ENPP2: variants seen among roughly 807,000 people sequenced by gnomAD.
ENPP2 encodes the protein ectonucleotide pyrophosphatase/phosphodiesterase 2, also known as autotaxin.
Under a neutral mutation model 120.2 loss-of-function variants are expected in ENPP2, and 51 were observed. The ratio of observed to expected loss-of-function variants is 0.42; its 90% confidence interval spans 0.34 to 0.54. ENPP2 has a LOEUF of 0.54. ENPP2 is among the 20% of genes least tolerant of loss of function. The pLI is 0.04. For synonymous variants in ENPP2, 365 were observed against 366.4 expected (o/e 1.00, Z 0.04); for missense variants, 920 against 1,066.5 (o/e 0.86, Z 1.91).
intron 24 of ENPP2, among the ~76,000 whole-genome samples, chr8:119,559,421 T>C (rs959630521): frequency 4.6e-5 from 7 of 152,238 alleles, no homozygotes; most frequent in African/African-American, 1.7e-4. Context: ...GCTGGGATTA[T>C]AAGAATTCTG....
chr8:119,594,354 A>T (rs999981551), intron 11 of ENPP2, among the ~76,000 whole-genome samples: 1 of 152,238 alleles, frequency 6.6e-6, no homozygotes, highest in Non-Finnish European at 1.5e-5. Flanking sequence ...TCTTGTTCTA[A>T]GTAATTTAAC....
At chr8:119,656,892 A>G (rs1414255825) in intron 1 of ENPP2, among the ~76,000 whole-genome samples, 1 of 152,162 alleles carries the variant, frequency 6.6e-6, no homozygotes, top group East Asian at 1.9e-4. Flanking sequence ...ATAGAATTGC[A>G]TGAAGTATTT....
Position 119,638,463 on chromosome 8 carries a change from A to C in ENPP2, c.98T>G (p.Ile33Ser). Residue 33 changes from isoleucine (I) to serine (S), a missense_variant, in exon 2 of 25, where the codon ATT (isoleucine) becomes AGT (serine). Ile to Ser is a moderately radical substitution (Grantham distance 142). Transcript: ENST00000075322. ...NICLGFTAHRIKRAEGWEEGP... is the reference protein window; with the variant it reads ...NICLGFTAHRSKRAEGWEEGP... The stretch of plus-strand genomic sequence containing the variant: ...TTCCTCCCATCCTTCTGCTCTCTTA[A>C]TTCGATGTGCAGTGAATCCTAAGCA... 1 of 1,610,046 alleles carries C rather than the reference A, an allele frequency of 6.2e-7. No homozygotes were observed. Among genetic ancestry groups the C allele is most frequent in the Non-Finnish European group, 8.5e-7 (1 of 1,176,254 alleles).
At chr8:119,560,041 C>A (rs1396244455) in intron 24 of ENPP2, among the ~76,000 whole-genome samples, 1 of 152,054 alleles carries the variant, frequency 6.6e-6, no homozygotes, top group Non-Finnish European at 1.5e-5. Flanking sequence ...AAATTTAGAT[C>A]GATTACAGAA....
At chr8:119,601,372 A>G in intron 10 of ENPP2, 25 bp downstream of exon 10, 2 of 1,478,756 alleles carry the variant, frequency 1.4e-6, no homozygotes, top group Non-Finnish European at 1.9e-6. Context: ...TGTACTGAAG[A>G]AAGAAGAAAG....
intron 23 of ENPP2, among the ~76,000 whole-genome samples, chr8:119,564,360 C>A (rs929776378): frequency 2.0e-5 from 3 of 152,100 alleles, no homozygotes; most frequent in Non-Finnish European, 4.4e-5. Context: ...ATTCCCACCA[C>A]CAATGCCCAT....
intron 5 of ENPP2, chr8:119,618,222 C>G (rs1815613481): frequency 2.2e-6 from 1 of 458,970 alleles, no homozygotes; most frequent in Admixed American, 2.3e-5. Context: ...TTCTTCATGC[C>G]TGCGAAGATC....
At chr8:119,626,865 G>T in intron 2 of ENPP2, 145 bp from the exon 3 acceptor site, 1 of 688,042 alleles carries the variant, frequency 1.5e-6, no homozygotes, top group East Asian at 2.7e-5. Flanking sequence ...CATGTACTCT[G>T]GGCAGGTTGC....
intron 5 of ENPP2, chr8:119,618,301 G>A (rs527514157): frequency 1.8e-5 from 9 of 494,658 alleles, no homozygotes; most frequent in African/African-American, 1.2e-4. Flanking sequence ...CTCCCCAGGA[G>A]ATGCTTTTGT....
In ENPP2 at chr8:119,615,556, A is replaced by G. The variant is rs1212765838; in HGVS notation, c.777+709T>C. 2.0e-5 allele frequency among the ~76,000 whole-genome samples: 3 copies of G among 152,346 alleles called. No individual in the cohort carries two copies. In the East Asian group the frequency reaches 5.8e-4, roughly 29 times the overall value. On this transcript the variant is annotated intron_variant, in intron 8 of 24. Coordinates refer to ENST00000075322, the MANE Select transcript of ENPP2 (RefSeq NM_001040092.3). ...TGCCCAGTCATTTGATCTGAAGTAA[A>G]CAGGGTGATTTCTTTTCAAAGTATT...
intron 19 of ENPP2, among the ~76,000 whole-genome samples, chr8:119,578,145 G>A (rs964651214): frequency 6.6e-6 from 1 of 152,142 alleles, no homozygotes; most frequent in African/African-American, 2.4e-5. Flanking sequence ...CTGCCTCCCA[G>A]GTTCAAACAA....
At chr8:119,573,408 TAA>T (rs35227070) in intron 19 of ENPP2, among the ~76,000 whole-genome samples, 32 of 124,310 alleles carry the variant, frequency 2.6e-4, no homozygotes, top group Admixed American at 3.2e-4. Context: ...CTCCGTCTCT[TAA>T]AAAAAAAAAA....
In ENPP2 at chr8:119,616,313, A is replaced by T; in HGVS notation, c.729T>A (p.His243Gln). 6.2e-7 allele frequency: 1 copy of T among 1,609,874 alleles called. No individual in the cohort carries two copies. Among genetic ancestry groups the T allele is most frequent in the Non-Finnish European group, 8.5e-7 (1 of 1,176,914 alleles). The change falls in exon 8 of 25, where the codon CAT (histidine) becomes CAA (glutamine). Residue 243 changes from histidine (H) to glutamine (Q), a missense_variant. Coordinates refer to ENST00000075322, the MANE Select transcript of ENPP2 (RefSeq NM_001040092.3). Reference protein sequence around the residue: ...MYDPVFDATFHLRGREKFNHR... With the variant: ...MYDPVFDATFQLRGREKFNHR... ...GATTAAATTTCTCTCGCCCTCGCAG[A>T]TGAAAAGTGGCATCAAATACAGGAT...
At chr8:119,655,558 T>C (rs1232860043) in intron 1 of ENPP2, among the ~76,000 whole-genome samples, 1 of 152,202 alleles carries the variant, frequency 6.6e-6, no homozygotes, top group African/African-American at 2.4e-5. Context: ...AGAATGCATA[T>C]AATCCCTTCC....
intron 2 of ENPP2, among the ~76,000 whole-genome samples, chr8:119,632,845 C>T (rs755076591): frequency 5.9e-5 from 9 of 152,078 alleles, no homozygotes; most frequent in African/African-American, 1.7e-4. Flanking sequence ...CAAGGTGGGC[C>T]GATCACCTGA....
chr8:119,633,819 C>CT (rs113433714), intron 2 of ENPP2, among the ~76,000 whole-genome samples: 17,464 of 146,968 alleles, frequency 0.12, 1,205 homozygotes, highest in Middle Eastern at 0.24. Flanking sequence ...ATTTCATAAA[C>CT]TTTTTTTTTT....
Position 119,572,038 on chromosome 8 carries a change from AC to A in ENPP2, c.1781-1198del. 14 of 631,830 alleles carry A rather than the reference AC, an allele frequency of 2.2e-5. No individual in the cohort carries two copies. In the South Asian group the frequency reaches 3.1e-4, roughly 14 times the overall value. The allele number at this position is 631,830 out of a possible 1,614,324, so 39.1% of individuals were successfully genotyped here. A position where few individuals can be genotyped will look rare whatever the true frequency, so the allele number is the denominator to read the frequency against. ...GTTAAGCTGCCAAATTTGGGGACCC[AC>A]CCCTAAGGATTAGAACATAATCTGA... On this transcript the variant is annotated intron_variant, in intron 19 of 24. Transcript: ENST00000075322.
intron 18 of ENPP2, among the ~76,000 whole-genome samples, chr8:119,581,454 CAT>C (rs1340321951): frequency 1.5e-4 from 23 of 151,984 alleles, no homozygotes; most frequent in Admixed American, 1.4e-3. Context: ...CAAGGGGAAA[CAT>C]GTGAAAGGAA....
At chr8:119,586,165 A>T (rs547783363) in intron 15 of ENPP2, 21 bp downstream of exon 15, 1 of 1,610,626 alleles carries the variant, frequency 6.2e-7, no homozygotes, top group South Asian at 1.1e-5. Flanking sequence ...GAGAAACAGA[A>T]ATAGCCCATA....
Sources: allele counts gnomAD v4.1 joint callset (sites outside exome capture counted in the v4.1 genomes callset), GRCh38; gene constraint gnomAD v4.1.1; transcripts MANE v1.5; gene names NCBI Gene and HGNC (gene_info 2026-07-23, HGNC 2026-07-21).